The following SBNO1 variants were observed in gnomAD, a reference collection of about 807,000 sequenced individuals.
SBNO1 encodes the protein protein strawberry notch homolog 1.
A neutral mutation model predicts 173.6 loss-of-function variants in SBNO1; 23 were observed. That is an observed-to-expected ratio of 0.13 (90% CI 0.10 to 0.19). The LOEUF is 0.19. SBNO1 is among the 10% of genes least tolerant of loss of function. The probability of loss-of-function intolerance (pLI) is 1.00; values close to 1 mark genes in which losing one functional copy is unlikely to be tolerated. For synonymous variants in SBNO1, 632 were observed against 571.5 expected, an observed-to-expected ratio of 1.11 and a Z score of -1.51; for missense variants, 1,238 against 1,671.2, an observed-to-expected ratio of 0.74 and a Z score of 4.52.
rs1321919778 is a variant in SBNO1 at position 123,290,034 on chromosome 12, C to G, written c.*5874G>C. The G allele has an allele frequency of 6.6e-6, 1 of 152,294 alleles. No homozygotes were observed. Among genetic ancestry groups the G allele is most frequent in the African/African-American group, 2.4e-5 (1 of 41,478 alleles). The allele number at this position is 152,294 out of a possible 1,614,324, so 9.4% of individuals were successfully genotyped here. ...TTCACTCTGGAGGACGCCTGAATTA[C>G]AAGTATCAAAAAGAACCCGCCTTTT... On this transcript the variant is annotated 3_prime_UTR_variant, in exon 32 of 32. Transcript: ENST00000602398.
chr12:123,354,381 G>A (rs1428021783), intron 1 of SBNO1, among the ~76,000 whole-genome samples: 1 of 152,104 alleles, frequency 6.6e-6, no homozygotes, highest in Non-Finnish European at 1.5e-5. Flanking sequence ...AGCTACTAAT[G>A]AAAGAGATTT....
intron 25 of SBNO1, 77 bp from the exon 26 acceptor site, chr12:123,309,933 C>G (rs1234910745): frequency 4.5e-6 from 5 of 1,109,344 alleles, no homozygotes; most frequent in Non-Finnish European, 6.5e-6. Flanking sequence ...TAGTTCAAGT[C>G]CCACTTTCTC....
intron 21 of SBNO1, 143 bp downstream of exon 21, chr12:123,317,078 T>TCC (rs1388353588): frequency 3.8e-6 from 3 of 784,582 alleles, no homozygotes; most frequent in Non-Finnish European, 6.3e-6. Context: ...ACTCAAGTTA[T>TCC]CCTCCCACAG....
At chr12:123,329,547 G>A (rs1870970043) in intron 9 of SBNO1, among the ~76,000 whole-genome samples, 1 of 151,842 alleles carries the variant, frequency 6.6e-6, no homozygotes, top group South Asian at 2.1e-4. Flanking sequence ...TGATACATAA[G>A]AATTATGAGT....
rs138531569 is a variant in SBNO1 at position 123,342,867 on chromosome 12, G to A, written c.551-1779C>T. On this transcript the variant is annotated intron_variant, in intron 4 of 31. Coordinates refer to ENST00000602398, the MANE Select transcript of SBNO1 (RefSeq NM_001167856.3). Reference sequence around the variant, plus strand: ...GGAAGAGAGTGCTAACATCAGGAGAGCTGATCAGCATTTCATCTATTCTAG... The same window carrying A: ...GGAAGAGAGTGCTAACATCAGGAGAACTGATCAGCATTTCATCTATTCTAG... Among the ~76,000 whole-genome samples, 866 of 152,314 alleles carry A rather than the reference G, an allele frequency of 5.7e-3. 6 individuals are homozygous for A. The highest frequency in any genetic ancestry group is 9.4e-3 in the Non-Finnish European group (638 of 68,032).
rs2048494412 is a variant in SBNO1, at chr12:123,290,447, A to G, written c.*5461T>C. 1 of 152,072 alleles carries G rather than the reference A, an allele frequency of 6.6e-6. No homozygotes were observed. Among genetic ancestry groups the G allele is most frequent in the Non-Finnish European group, 1.5e-5 (1 of 68,006 alleles). The allele number at this position is 152,072 out of a possible 1,614,324, so 9.4% of individuals were successfully genotyped here. ...GTGCAAAATTGTGAACAAATACCCA[A>G]TGTCTGCCTCCCGGGTGCTCAACAC... On this transcript the variant is annotated 3_prime_UTR_variant, in exon 32 of 32. Coordinates refer to ENST00000602398, the MANE Select transcript of SBNO1 (RefSeq NM_001167856.3).
intron 1 of SBNO1, among the ~76,000 whole-genome samples, chr12:123,354,446 C>G (rs1389889183): frequency 2.0e-5 from 3 of 152,086 alleles, no homozygotes; most frequent in African/African-American, 7.2e-5. Flanking sequence ...ATTTCTCAGC[C>G]AAACGGGCAC....
rs867372409 is a variant in SBNO1, at chr12:123,327,518, G to A, written c.1600C>T (p.Arg534Ter). 1 of 1,613,598 alleles carries A rather than the reference G, an allele frequency of 6.2e-7. No homozygotes were observed. ...DMKLRGMYIA[R>*]QLSFTGVTFK... ...GTCACTCCAGTAAAGCTCAGTTGTCGAGCAATGTACATTCCTCTAAGCTTC... is the reference window on the plus strand; with the variant it reads ...GTCACTCCAGTAAAGCTCAGTTGTCAAGCAATGTACATTCCTCTAAGCTTC... Residue 534 changes from arginine to a stop codon, truncating the protein, a stop_gained, in exon 13 of 32, where the codon CGA (arginine) becomes TGA (stop). Coordinates refer to ENST00000602398, the MANE Select transcript of SBNO1 (RefSeq NM_001167856.3). LOFTEE classifies it high-confidence loss of function.
intron 19 of SBNO1, 88 bp downstream of exon 19, chr12:123,320,344 G>C (rs1325275438): frequency 8.1e-7 from 1 of 1,230,172 alleles, no homozygotes; most frequent in Non-Finnish European, 1.1e-6. Flanking sequence ...AAGAAATTTA[G>C]ATTATTATGT....
chr12:123,302,961 G>T, intron 29 of SBNO1, 61 bp from the exon 30 acceptor site: 1 of 1,248,420 alleles, frequency 8.0e-7, no homozygotes, highest in Non-Finnish European at 1.2e-6. Flanking sequence ...TGGTTACCTA[G>T]TCTGGTCTGT....
intron 7 of SBNO1, among the ~76,000 whole-genome samples, chr12:123,333,637 C>T (rs7485967): frequency 0.95 from 144,578 of 151,788 alleles, 68,983 homozygotes; most frequent in Non-Finnish European, 0.96. Context: ...ACTGGGACTA[C>T]AGGTGCGTGC....
Position 123,304,693 on chromosome 12 carries a change from G to A in SBNO1, c.3657C>T (p.Ile1219=), listed in dbSNP as rs7485048. ...LQIRNNKKTA[I]LVKEVNPKKK... ...TTTTAGGATTCACTTCTTTAACTAA[G>A]ATGGCAGTTTTCTTGTTGTTCCTTA... Residue 1219 remains isoleucine, a synonymous_variant, in exon 29 of 32, where the codon ATC becomes ATT. Transcript: ENST00000602398. The A allele has an allele frequency of 2.0e-5, 31 of 1,539,448 alleles. No homozygotes were observed. The highest frequency in any genetic ancestry group is 2.6e-5 in the Non-Finnish European group (29 of 1,118,162).
At chr12:123,311,755 C>A (rs938219057) in intron 24 of SBNO1, among the ~76,000 whole-genome samples, 14 of 130,106 alleles carry the variant, frequency 1.1e-4, no homozygotes, top group African/African-American at 4.6e-4. Flanking sequence ...TATATTTTTG[C>A]GACAGAGTCT....
Position 123,327,778 on chromosome 12 carries a change from G to T in SBNO1, c.1467C>A (p.Asn489Lys), listed in dbSNP as rs1321499323. The T allele has an allele frequency of 6.2e-7, 1 of 1,613,754 alleles. No homozygotes were observed. Among genetic ancestry groups the T allele is most frequent in the South Asian group, 1.1e-5 (1 of 91,076 alleles). Residue 489 changes from asparagine to lysine, a missense_variant, in exon 12 of 32, where the codon AAC becomes AAA. By Grantham distance (94) the Asn-to-Lys change is moderately conservative. Around this residue, in one of 14 missense-constraint regions of SBNO1, gnomAD observed 182 missense variants for 339.9 expected, o/e 0.54. Transcript: ENST00000602398. ...ASEPRNMAYMNRLGIWGEGTP... is the reference protein window; with the variant it reads ...ASEPRNMAYMKRLGIWGEGTP... ...TACCCTCACCCCATATGCCAAGACG[G>T]TTCATATAGGCCATGTTGCGTGGTT...
In SBNO1 at chr12:123,294,648, A is replaced by G. The variant is rs1197666275; in HGVS notation, c.*1260T>C. 1.2e-5 allele frequency: 2 copies of G among 168,514 alleles called. No homozygotes were observed. The highest frequency in any genetic ancestry group is 2.5e-5 in the African/African-American group (1 of 40,360). The allele number at this position is 168,514 out of a possible 1,614,324, so 10.4% of individuals were successfully genotyped here. On this transcript the variant is annotated 3_prime_UTR_variant, in exon 32 of 32. Coordinates refer to ENST00000602398, the MANE Select transcript of SBNO1 (RefSeq NM_001167856.3). ...ACCTGTGGAAGCAAAAAAAAAAAAAAAAAAAAAAAAAAAGAAAAAAAGAAA... is the reference window on the plus strand; with the variant it reads ...ACCTGTGGAAGCAAAAAAAAAAAAAGAAAAAAAAAAAAAGAAAAAAAGAAA...
At chr12:123,336,335 G>A in intron 6 of SBNO1, 60 bp downstream of exon 6, 2 of 1,084,440 alleles carry the variant, frequency 1.8e-6, no homozygotes, top group Non-Finnish European at 1.4e-6. Context: ...AAAACAAAAA[G>A]AACCAAAGAA....
At chr12:123,342,276 A>G (rs1405028642) in intron 4 of SBNO1, among the ~76,000 whole-genome samples, 1 of 151,706 alleles carries the variant, frequency 6.6e-6, no homozygotes, top group African/African-American at 2.4e-5. Flanking sequence ...TTAATTAATT[A>G]AAATTTAAAA....
intron 1 of SBNO1, among the ~76,000 whole-genome samples, chr12:123,358,903 T>A (rs1053029988): frequency 1.3e-5 from 2 of 151,956 alleles, no homozygotes; most frequent in Non-Finnish European, 2.9e-5. Flanking sequence ...TGACAACACA[T>A]TAGCAGGGTG....
Position 123,330,523 on chromosome 12 carries a change from A to G in SBNO1, c.1044-14T>C, listed in dbSNP as rs755470499. ...GAAACACTAAACCTGCCAAAATATTAAAAAGCACAAATTAAATACAAATTA... is the reference window on the plus strand; with the variant it reads ...GAAACACTAAACCTGCCAAAATATTGAAAAGCACAAATTAAATACAAATTA... On this transcript the variant is annotated splice_polypyrimidine_tract_variant and intron_variant, in intron 8 of 31. Transcript: ENST00000602398. The G allele has an allele frequency of 1.4e-6, 2 of 1,420,326 alleles. No individual in the cohort carries two copies. The highest frequency in any genetic ancestry group is 2.4e-5 in the South Asian group (2 of 82,718). The allele number at this position is 1,420,326 out of a possible 1,614,324, so 88.0% of individuals were successfully genotyped here.
Sources: allele counts gnomAD v4.1 joint callset (sites outside exome capture counted in the v4.1 genomes callset), GRCh38; gene constraint gnomAD v4.1.1; regional missense constraint gnomAD v4.1.1; transcripts MANE v1.5; gene names NCBI Gene and HGNC (gene_info 2026-07-23, HGNC 2026-07-21).